Variants in PCDHA12 observed in about 807,000 individuals in gnomAD.
PCDHA12 encodes protocadherin alpha-12.
In PCDHA12, 44 loss-of-function variants were observed where a neutral mutation model predicts 60.0. The ratio of observed to expected loss-of-function variants is 0.73; its 90% CI spans 0.58 to 0.94. The LOEUF is 0.94. Among genes scored for constraint, PCDHA12 ranks in the 40% least tolerant of loss-of-function variants. PCDHA12 has a pLI of 0.00. For missense variants in PCDHA12, 1,276 were observed against 1,239.7 expected, an observed-to-expected ratio of 1.03 and a Z score of -0.44; for synonymous variants, 569 against 553.0, an observed-to-expected ratio of 1.03 and a Z score of -0.40.
intron 3 of PCDHA12, among the ~76,000 whole-genome samples, chr5:140,982,824 GGTTT>G (rs74513655): frequency 0.037 from 5,640 of 152,044 alleles, 162 homozygotes; most frequent in Non-Finnish European, 0.055. Flanking sequence ...AAGTTTTTGG[GGTTT>G]GTTTGTTTGT....
chr5:140,950,512 G>T (rs1239372084), intron 1 of PCDHA12, among the ~76,000 whole-genome samples: 11 of 152,016 alleles, frequency 7.2e-5, no homozygotes, highest in Non-Finnish European at 7.4e-5. Context: ...TATTCCCTGT[G>T]TGCGATATGA....
chr5:141,008,299 C>G (rs1223779122), intron 3 of PCDHA12, among the ~76,000 whole-genome samples: 9 of 152,238 alleles, frequency 5.9e-5, no homozygotes, highest in Non-Finnish European at 1.2e-4. Context: ...TGTACCCAAC[C>G]CTAAACTGTA....
chr5:141,006,105 G>T (rs2098255059), intron 3 of PCDHA12, among the ~76,000 whole-genome samples: 1 of 143,364 alleles, frequency 7.0e-6, no homozygotes. Context: ...ATGGTAAGGA[G>T]TTTTTTTTTT....
chr5:140,909,442 A>T (rs1345461412), intron 1 of PCDHA12, among the ~76,000 whole-genome samples: 11 of 152,234 alleles, frequency 7.2e-5, no homozygotes, highest in African/African-American at 2.7e-4. Context: ...ATCCACTGTC[A>T]TTCTCCAAGA....
intron 1 of PCDHA12, among the ~76,000 whole-genome samples, chr5:140,977,515 C>T (rs2096764078): frequency 6.6e-6 from 1 of 152,158 alleles, no homozygotes; most frequent in African/African-American, 2.4e-5. Context: ...ATTTTGTGAA[C>T]TTGAAAACAA....
At chr5:140,994,733 C>G (rs2097647887) in intron 3 of PCDHA12, among the ~76,000 whole-genome samples, 1 of 152,034 alleles carries the variant, frequency 6.6e-6, no homozygotes, top group Non-Finnish European at 1.5e-5. Context: ...CTGGGTATTG[C>G]AGGATGGCAA....
rs2057302382 is a variant in PCDHA12 at position 140,877,713 on chromosome 5, T to C, written c.2241T>C (p.Ser747=). 6.2e-7 allele frequency: 1 copy of C among 1,613,318 alleles called. No individual in the cohort carries two copies. The highest frequency in any genetic ancestry group is 1.3e-5 in the African/African-American group (1 of 74,642). Reference sequence around the variant, plus strand: ...TGGTGTGCTCCAGCGCCGTGGGGAGTTGGTCTTACTCGCAGCAGAGGAGGC... The same window carrying C: ...TGGTGTGCTCCAGCGCCGTGGGGAGCTGGTCTTACTCGCAGCAGAGGAGGC... ...PTLVCSSAVG[S]WSYSQQRRQR... is the part of the protein sequence containing the mutation. The change falls in exon 1 of 4, where the codon AGT becomes AGC. Residue 747 remains serine (S), a synonymous_variant. Coordinates refer to ENST00000398631, the MANE Select transcript of PCDHA12 (RefSeq NM_018903.4).
chr5:140,979,048 C>T, intron 2 of PCDHA12, 41 bp downstream of exon 2: 2 of 1,611,774 alleles, frequency 1.2e-6, no homozygotes, highest in East Asian at 2.2e-5. Context: ...GTAACCTTAA[C>T]TTGGTATGGC....
chr5:140,956,885 T>A (rs1156888418), intron 1 of PCDHA12, among the ~76,000 whole-genome samples: 1 of 152,194 alleles, frequency 6.6e-6, no homozygotes, highest in Non-Finnish European at 1.5e-5. Flanking sequence ...TAGATATCAA[T>A]GAATGAATAT....
chr5:140,892,087 T>G (rs2063378040), intron 1 of PCDHA12, among the ~76,000 whole-genome samples: 1 of 152,226 alleles, frequency 6.6e-6, no homozygotes, highest in East Asian at 1.9e-4. Context: ...TAGTTTCCTC[T>G]CGAAACTTTC....
At chr5:140,994,288 C>G (rs2097610720) in intron 3 of PCDHA12, among the ~76,000 whole-genome samples, 4 of 152,150 alleles carry the variant, frequency 2.6e-5, no homozygotes, top group Admixed American at 6.5e-5. Flanking sequence ...TGAGACAGTC[C>G]CCAGATTGTT....
chr5:141,007,653 C>T (rs373127730), intron 3 of PCDHA12, among the ~76,000 whole-genome samples: 1 of 152,126 alleles, frequency 6.6e-6, no homozygotes, highest in African/African-American at 2.4e-5. Context: ...GCCTAAAAAA[C>T]CATAAATTTA....
At chr5:140,928,874 C>T (rs782794510) in intron 1 of PCDHA12, 1 of 1,614,194 alleles carries the variant, frequency 6.2e-7, no homozygotes, top group Admixed American at 1.7e-5. Context: ...AACTCTGTCC[C>T]TCAGTTACTT....
At chr5:141,007,985 A>C (rs2153994605) in intron 3 of PCDHA12, among the ~76,000 whole-genome samples, 1 of 152,322 alleles carries the variant, frequency 6.6e-6, no homozygotes, top group South Asian at 2.1e-4. Context: ...TGTATATATG[A>C]AATGTACATG....
chr5:140,903,513 T>C (rs2070347965), intron 1 of PCDHA12, among the ~76,000 whole-genome samples: 2 of 152,216 alleles, frequency 1.3e-5, no homozygotes, highest in South Asian at 2.1e-4. Flanking sequence ...AATAGTTCTA[T>C]TGTGTTGTTC....
In PCDHA12 at chr5:140,883,265, C is replaced by G. The variant is rs782741439; in HGVS notation, c.2367+5426C>G. 4.5e-5 allele frequency: 73 copies of G among 1,613,790 alleles called. No homozygotes were observed. The highest frequency in any genetic ancestry group is 6.0e-5 in the Non-Finnish European group (71 of 1,179,996). ...CAAAGGAAATATTCCAATGGCGGGTCATTGTACCCTTTTGGTGGAAGTACT... is the reference window on the plus strand; with the variant it reads ...CAAAGGAAATATTCCAATGGCGGGTGATTGTACCCTTTTGGTGGAAGTACT... On this transcript the variant is annotated intron_variant, in intron 1 of 3. Transcript: ENST00000398631.
At chr5:140,889,904 TTGTCATAC>T (rs1320793501) in intron 1 of PCDHA12, among the ~76,000 whole-genome samples, 4 of 152,172 alleles carry the variant, frequency 2.6e-5, no homozygotes, top group Non-Finnish European at 5.9e-5. Context: ...TACCTTGAGA[TTGTCATAC>T]TGTAAAGAAG....
chr5:140,912,163 G>T (rs1018826504), intron 1 of PCDHA12, among the ~76,000 whole-genome samples: 4 of 152,092 alleles, frequency 2.6e-5, no homozygotes, highest in African/African-American at 9.7e-5. Context: ...TTTTATTCTG[G>T]CTGTGCTGGC....
chr5:140,884,489 T>G, intron 1 of PCDHA12: 1 of 1,613,936 alleles, frequency 6.2e-7, no homozygotes, highest in East Asian at 2.2e-5. Flanking sequence ...CACTCTAGTG[T>G]GCTCCAGCGC....
Sources: allele counts gnomAD v4.1 joint callset (sites outside exome capture counted in the v4.1 genomes callset), GRCh38; gene constraint gnomAD v4.1.1; transcripts MANE v1.5; gene names NCBI Gene and HGNC (gene_info 2026-07-23, HGNC 2026-07-21).